The following VEPH1 variants were observed in gnomAD, a reference collection of about 807,000 sequenced individuals.
VEPH1 encodes the protein ventricular zone expressed PH domain containing 1.
A neutral mutation model predicts 85.2 loss-of-function variants in VEPH1; 80 were observed. The observed-to-expected ratio is 0.94, with a 90% CI of 0.78 to 1.13. VEPH1 has a LOEUF of 1.13. VEPH1 is among the 50% of genes most tolerant of loss of function. The pLI, the probability that VEPH1 is intolerant of heterozygous loss-of-function variation, is 0.00. For missense variants in VEPH1, 955 were observed against 980.5 expected, an observed-to-expected ratio of 0.97 and a Z score of 0.35; for synonymous variants, 297 against 348.0, an observed-to-expected ratio of 0.85 and a Z score of 1.63.
intron 9 of VEPH1, among the ~76,000 whole-genome samples, chr3:157,352,810 C>T (rs531610355): frequency 2.4e-4 from 37 of 152,238 alleles, no homozygotes; most frequent in African/African-American, 7.9e-4. Context: ...AGTTATCCAG[C>T]CCAGTGTTTT....
rs777020042 is a variant in VEPH1, at chr3:157,428,461, G to A, written c.557C>T (p.Pro186Leu). The A allele has an allele frequency of 2.5e-6, 4 of 1,613,894 alleles. No individual in the cohort carries two copies. The East Asian group carries it at 6.7e-5, about 27-fold the overall frequency. Residue 186 changes from proline to leucine, a missense_variant, in exon 5 of 14, where the codon CCT becomes CTT. By Grantham distance (98) the Pro-to-Leu change is moderately conservative. Coordinates refer to ENST00000362010, the MANE Select transcript of VEPH1 (RefSeq NM_001167912.2). ...QGNTMLLRVL[P>L]AVYEKQPQPI... ...CTGAGGCTGCTTTTCATACACAGCAGGTAACACTCTCAACAACATGGTGTT... is the reference window on the plus strand; with the variant it reads ...CTGAGGCTGCTTTTCATACACAGCAAGTAACACTCTCAACAACATGGTGTT...
intron 4 of VEPH1, among the ~76,000 whole-genome samples, chr3:157,445,717 A>T (rs568791695): frequency 1.3e-5 from 2 of 152,190 alleles, no homozygotes; most frequent in Admixed American, 6.5e-5. Context: ...TGAACCCGGG[A>T]GGCGGAGATT....
chr3:157,349,719 C>T (rs1201982930), intron 9 of VEPH1, among the ~76,000 whole-genome samples: 1 of 151,734 alleles, frequency 6.6e-6, no homozygotes, highest in Non-Finnish European at 1.5e-5. Context: ...TGTTTCTATA[C>T]ACAAACAATG....
chr3:157,406,930 G>T (rs749184094), intron 6 of VEPH1, among the ~76,000 whole-genome samples: 1 of 148,178 alleles, frequency 6.7e-6, no homozygotes, highest in African/African-American at 2.5e-5. Context: ...ACTAAAATTT[G>T]TTTCAGTTCA....
intron 2 of VEPH1, among the ~76,000 whole-genome samples, chr3:157,494,755 T>C (rs544988412): frequency 1.1e-4 from 17 of 152,244 alleles, no homozygotes; most frequent in African/African-American, 3.9e-4. Flanking sequence ...GCGATCGTTG[T>C]CCTTGTCTCA....
chr3:157,286,657 C>A lies in VEPH1; in HGVS notation c.2028G>T (p.Gln676His). Residue 676 changes from glutamine to histidine, a missense_variant, in exon 12 of 14, where the codon CAG (glutamine) becomes CAT (histidine). Coordinates refer to ENST00000362010, the MANE Select transcript of VEPH1 (RefSeq NM_001167912.2). ...AGAACCTCACTTCTTCCAGATGGAG[C>A]TGTACCTGGTCCAGATCCTGTGTCA... Reference protein sequence around the residue: ...FPQQKDLDQVQLHLEEVRFFD... With the variant: ...FPQQKDLDQVHLHLEEVRFFD... 1 of 1,614,068 alleles carries A rather than the reference C, an allele frequency of 6.2e-7. No homozygotes were observed. The highest frequency in any genetic ancestry group is 8.5e-7 in the Non-Finnish European group (1 of 1,179,940).
At chr3:157,379,795 G>A (rs1358573043) in intron 7 of VEPH1, among the ~76,000 whole-genome samples, 1 of 152,174 alleles carries the variant, frequency 6.6e-6, no homozygotes, top group Non-Finnish European at 1.5e-5. Context: ...TCTGAATTAT[G>A]GAGATGGGGT....
At chr3:157,359,062 T>C (rs890113708) in intron 9 of VEPH1, among the ~76,000 whole-genome samples, 3 of 152,188 alleles carry the variant, frequency 2.0e-5, no homozygotes, top group Non-Finnish European at 4.4e-5. Context: ...AGGACTACAT[T>C]ACCAGCTTAA....
intron 11 of VEPH1, among the ~76,000 whole-genome samples, chr3:157,298,288 C>T (rs537660184): frequency 6.6e-6 from 1 of 152,200 alleles, no homozygotes; most frequent in South Asian, 2.1e-4. Flanking sequence ...TTGCCCAGTT[C>T]CCAGAGCATG....
At position 157,343,796 on chromosome 3, in the gene VEPH1, G is replaced by A. The variant is rs547160319; in HGVS notation, c.1735+19568C>T. ...ATCCTCAATAAAATACTGGCAAACC[G>A]AATCCAGCAGCACATCAAAAAGCTT... On this transcript the variant is annotated intron_variant, in intron 9 of 13. Transcript: ENST00000362010. Among the ~76,000 whole-genome samples the A allele has an allele frequency of 6.9e-3, 1,052 of 152,198 alleles. 19 individuals carry two copies. The highest frequency in any genetic ancestry group is 0.024 in the African/African-American group (993 of 41,526).
chr3:157,460,041 A>G, intron 4 of VEPH1, 140 bp downstream of exon 4: 5 of 1,580,916 alleles, frequency 3.2e-6, no homozygotes, highest in Non-Finnish European at 4.3e-6. Flanking sequence ...GCATGTTCAC[A>G]GGTCAACTGG....
intron 2 of VEPH1, among the ~76,000 whole-genome samples, chr3:157,476,539 A>G (rs1449349577): frequency 1.3e-5 from 2 of 152,196 alleles, no homozygotes; most frequent in Admixed American, 6.5e-5. Context: ...CCCCACCCCA[A>G]TACTGCTAGA....
intron 7 of VEPH1, among the ~76,000 whole-genome samples, chr3:157,371,494 T>C (rs551659430): frequency 6.6e-6 from 1 of 152,338 alleles, no homozygotes; most frequent in South Asian, 2.1e-4. Flanking sequence ...GTGAGATCCC[T>C]GGACCAGCGG....
chr3:157,460,418 A>T lies in VEPH1; in HGVS notation c.355-63T>A, dbSNP rs1311619787. ...TCATTATTCATTTATTCATTCATTC[A>T]CTCATTCAAAAAATATTTATTGGAT... On this transcript the variant is annotated intron_variant, in intron 3 of 13. Coordinates refer to ENST00000362010, the MANE Select transcript of VEPH1 (RefSeq NM_001167912.2). 1.9e-6 allele frequency: 3 copies of T among 1,539,842 alleles called. No homozygotes were observed. In the African/African-American group the frequency reaches 4.1e-5, roughly 21 times the overall value.
rs1731871262 is a variant in VEPH1, at chr3:157,415,769, A to G, written c.697-1679T>C. ...TTTTTTAAAAATTCTTAACTTGCTAAATTTTCTTTTGCAGCTGGGATTTTA... is the reference window on the plus strand; with the variant it reads ...TTTTTTAAAAATTCTTAACTTGCTAGATTTTCTTTTGCAGCTGGGATTTTA... On this transcript the variant is annotated intron_variant, in intron 5 of 13. Transcript: ENST00000362010. Among the ~76,000 whole-genome samples the G allele has an allele frequency of 1.3e-5, 2 of 152,088 alleles. 1 individual carries two copies. Among genetic ancestry groups the G allele is most frequent in the South Asian group, 4.1e-4 (2 of 4,824 alleles).
chr3:157,487,636 A>T (rs982505105), intron 2 of VEPH1, among the ~76,000 whole-genome samples: 2 of 152,176 alleles, frequency 1.3e-5, no homozygotes, highest in African/African-American at 4.8e-5. Flanking sequence ...ATTAAAGACC[A>T]ATCTCATATA....
chr3:157,381,545 C>G (rs961790216), intron 6 of VEPH1, 169 bp from the exon 7 acceptor site: 20 of 623,314 alleles, frequency 3.2e-5, no homozygotes, highest in Non-Finnish European at 5.0e-5. Flanking sequence ...TGGTAACACC[C>G]CATCTCAACT....
chr3:157,298,269 G>A (rs1718368249), intron 11 of VEPH1, among the ~76,000 whole-genome samples: 2 of 152,184 alleles, frequency 1.3e-5, no homozygotes, highest in Admixed American at 1.3e-4. Flanking sequence ...CTGTAGTGAG[G>A]TTAATGACTT....
At chr3:157,451,016 G>A (rs1474203558) in intron 4 of VEPH1, among the ~76,000 whole-genome samples, 1 of 152,120 alleles carries the variant, frequency 6.6e-6, no homozygotes, top group Non-Finnish European at 1.5e-5. Context: ...TAATTAAGAT[G>A]GACCTGTATT....
Sources: gnomAD v4.1 joint callset for allele counts (sites outside exome capture counted in the v4.1 genomes callset) on GRCh38, gnomAD v4.1.1 for gene constraint, MANE v1.5 for transcripts, NCBI Gene and HGNC (gene_info 2026-07-23, HGNC 2026-07-21) for gene names.